OSBPL1A: variants seen among roughly 807,000 people sequenced by gnomAD.
OSBPL1A encodes the protein oxysterol binding protein like 1A.
OSBPL1A carries 80 observed loss-of-function variants against 137.1 expected under a neutral mutation model. The observed-to-expected ratio is 0.58, with a 90% CI of 0.49 to 0.70. OSBPL1A has a LOEUF of 0.70. Ranked by LOEUF, OSBPL1A falls within the 30% of genes least tolerant of loss-of-function variation. OSBPL1A has a pLI of 0.00. For missense variants in OSBPL1A, 970 were observed against 1,129.4 expected, an observed-to-expected ratio of 0.86 and a Z score of 2.02; for synonymous variants, 365 against 389.7, an observed-to-expected ratio of 0.94 and a Z score of 0.75.
At chr18:24,280,369 A>T (rs2089932655) in intron 15 of OSBPL1A, among the ~76,000 whole-genome samples, 1 of 152,226 alleles carries the variant, frequency 6.6e-6, no homozygotes, top group South Asian at 2.1e-4. Flanking sequence ...GGCATGATCC[A>T]CCATGCTCAG....
At chr18:24,254,748 T>C (rs1476037935) in intron 15 of OSBPL1A, among the ~76,000 whole-genome samples, 1 of 151,526 alleles carries the variant, frequency 6.6e-6, no homozygotes, top group Non-Finnish European at 1.5e-5. Context: ...TTCAAACAAA[T>C]AACCTAATGA....
chr18:24,171,451 C>A lies in OSBPL1A; in HGVS notation c.2249G>T (p.Gly750Val). ...VLNFKPCGLF[G>V]KELHKVEGYI... ...GCCTTCAACTTTGTGTAATTCCTTA[C>A]CAAAAAGGCCACATGGCTTAAAATT... The change falls in exon 23 of 28, where the codon GGT becomes GTT. Residue 750 changes from glycine (G) to valine (V), a missense_variant. Around this residue, in one of 2 missense-constraint regions of OSBPL1A, gnomAD observed 323 missense variants for 456.8 expected, o/e 0.71. Coordinates refer to ENST00000319481, the MANE Select transcript of OSBPL1A (RefSeq NM_080597.4). 1 of 1,613,730 alleles carries A rather than the reference C, an allele frequency of 6.2e-7. No individual in the cohort carries two copies. Among genetic ancestry groups the A allele is most frequent in the Non-Finnish European group, 8.5e-7 (1 of 1,179,814 alleles).
In OSBPL1A at chr18:24,271,295, C is replaced by A. The variant is rs997390870; in HGVS notation, c.1281+9547G>T. 4.6e-5 allele frequency among the ~76,000 whole-genome samples: 7 copies of A among 152,182 alleles called. No individual in the cohort carries two copies. The highest frequency in any genetic ancestry group is 3.3e-4 in the Admixed American group (5 of 15,278). On this transcript the variant is annotated intron_variant, in intron 15 of 27. Coordinates refer to ENST00000319481, the MANE Select transcript of OSBPL1A (RefSeq NM_080597.4). This position sits in a 1 kb window ranked among gnomAD's most constrained non-coding sequence, Gnocchi z 4.0. ...GACAATAATGTCTTTCACTGTCTTA[C>A]TCCTCCCACTCCAGCCCTTCTTGAC... is the stretch of plus-strand genomic sequence containing the variant.
chr18:24,194,512 T>C (rs1483352591), intron 18 of OSBPL1A, among the ~76,000 whole-genome samples: 1 of 152,234 alleles, frequency 6.6e-6, no homozygotes, highest in Non-Finnish European at 1.5e-5. Flanking sequence ...AATTTTTATC[T>C]TGAAATTTTC....
chr18:24,290,037 C>A (rs959219984), intron 14 of OSBPL1A, among the ~76,000 whole-genome samples: 2 of 151,878 alleles, frequency 1.3e-5, no homozygotes, highest in Non-Finnish European at 2.9e-5. Context: ...ACTATCTATA[C>A]GTCAAATACA....
chr18:24,183,899 A>G (rs2086676260), intron 18 of OSBPL1A, among the ~76,000 whole-genome samples: 1 of 152,222 alleles, frequency 6.6e-6, no homozygotes, highest in Non-Finnish European at 1.5e-5. Flanking sequence ...GCTAAAGACC[A>G]CTGAACCAGA....
At chr18:24,315,459 C>T (rs1435197643) in intron 11 of OSBPL1A, among the ~76,000 whole-genome samples, 1 of 151,156 alleles carries the variant, frequency 6.6e-6, no homozygotes, top group Non-Finnish European at 1.5e-5. Flanking sequence ...GCTCATAATC[C>T]AAACCGAACC....
At chr18:24,276,773 C>T (rs961989977) in intron 15 of OSBPL1A, among the ~76,000 whole-genome samples, 1 of 151,874 alleles carries the variant, frequency 6.6e-6, no homozygotes, top group Non-Finnish European at 1.5e-5. Flanking sequence ...CAAATAAAAT[C>T]TTCCTACAAT....
At chr18:24,170,219 AG>A in intron 24 of OSBPL1A, 107 bp downstream of exon 24, 2 of 1,298,578 alleles carry the variant, frequency 1.5e-6, no homozygotes, top group East Asian at 2.3e-5. Context: ...ATTAGCAACA[AG>A]GAAGAAGAAA....
intron 14 of OSBPL1A, among the ~76,000 whole-genome samples, chr18:24,292,850 A>G (rs1280706703): frequency 6.6e-6 from 1 of 152,150 alleles, no homozygotes; most frequent in Non-Finnish European, 1.5e-5. Flanking sequence ...TCACGCCTGT[A>G]ATCCCAGCAC....
intron 4 of OSBPL1A, among the ~76,000 whole-genome samples, chr18:24,345,180 G>A (rs7236369): frequency 0.66 from 100,095 of 151,822 alleles, 33,524 homozygotes; most frequent in East Asian, 0.84. Context: ...GGGTAAGGGG[G>A]AAAAAAGGCA....
chr18:24,198,857 T>TTG lies in OSBPL1A; in HGVS notation c.1602-2658_1602-2657insCA, dbSNP rs1555629023. ...TGTCACTGTTGTTTTGGTGTTTTTT[T>TTG]TTGTTGTTTTTTTTTTTTGAGAGAG... On this transcript the variant is annotated intron_variant, in intron 17 of 27. Coordinates refer to ENST00000319481, the MANE Select transcript of OSBPL1A (RefSeq NM_080597.4). 2.8e-5 allele frequency among the ~76,000 whole-genome samples: 4 copies of TTG among 141,234 alleles called. No individual in the cohort carries two copies. The East Asian group carries it at 8.2e-4, about 29-fold the overall frequency. 92.7% of individuals were successfully genotyped at this position (141,234 alleles called of 152,430 possible).
At chr18:24,200,839 TAGAG>T (rs2087198562) in intron 17 of OSBPL1A, among the ~76,000 whole-genome samples, 1 of 151,766 alleles carries the variant, frequency 6.6e-6, no homozygotes, top group Non-Finnish European at 1.5e-5. Context: ...GCAGAGGGAG[TAGAG>T]AAATTTTAAA....
chr18:24,292,844 G>A (rs2090200713), intron 14 of OSBPL1A, among the ~76,000 whole-genome samples: 1 of 152,084 alleles, frequency 6.6e-6, no homozygotes, highest in Non-Finnish European at 1.5e-5. Flanking sequence ...AGTGGCTCAC[G>A]CCTGTAATCC....
chr18:24,336,799 G>A (rs2091183107), intron 5 of OSBPL1A, among the ~76,000 whole-genome samples: 1 of 152,044 alleles, frequency 6.6e-6, no homozygotes, highest in Admixed American at 6.6e-5. Context: ...GAGAGCACCT[G>A]GAAAATATAT....
chr18:24,351,850 A>G (rs1054315064), intron 4 of OSBPL1A, among the ~76,000 whole-genome samples: 1 of 152,152 alleles, frequency 6.6e-6, no homozygotes. Context: ...TGCAATTGTT[A>G]ACTCCAGAAA....
chr18:24,250,178 G>GTTTTTT (rs1408310982), intron 15 of OSBPL1A, among the ~76,000 whole-genome samples: 12 of 79,566 alleles, frequency 1.5e-4, no homozygotes, highest in African/African-American at 4.6e-4. Flanking sequence ...TTGTTTGTTT[G>GTTTTTT]TTTGTTTGTT....
intron 23 of OSBPL1A, 172 bp from the exon 24 acceptor site, chr18:24,170,625 G>A (rs1002408367): frequency 3.1e-6 from 2 of 636,538 alleles, no homozygotes; most frequent in Non-Finnish European, 2.7e-6. Context: ...GCCATAGACT[G>A]TTTTGCTGCA....
intron 4 of OSBPL1A, among the ~76,000 whole-genome samples, chr18:24,351,515 C>T (rs1463449516): frequency 1.3e-5 from 2 of 148,728 alleles, no homozygotes; most frequent in Admixed American, 1.4e-4. Flanking sequence ...CTAAGAAACC[C>T]CATGCAATTG....
Sources: gnomAD v4.1 joint callset for allele counts (sites outside exome capture counted in the v4.1 genomes callset) on GRCh38, gnomAD v4.1.1 for gene constraint, gnomAD v4.1.1 regional missense constraint, Gnocchi (gnomAD v3.1) non-coding constraint, MANE v1.5 for transcripts, NCBI Gene and HGNC (gene_info 2026-07-23, HGNC 2026-07-21) for gene names.